Variants in MARCHF2 observed in about 807,000 individuals in gnomAD.
MARCHF2 encodes the protein membrane associated ring-CH-type finger 2.
Under a neutral mutation model 24.0 loss-of-function variants are expected in MARCHF2, and 22 were observed. That is an observed-to-expected ratio of 0.92 (90% CI 0.66 to 1.31). The LOEUF (loss-of-function observed/expected upper bound fraction) is 1.31. Ranked by LOEUF, MARCHF2 falls within the 50% of genes most tolerant of loss-of-function variation. The probability of loss-of-function intolerance (pLI) is 0.00; values close to 1 mark genes in which losing one functional copy is unlikely to be tolerated. For synonymous variants in MARCHF2, 154 were observed against 153.0 expected, an observed-to-expected ratio of 1.01 and a Z score of -0.05; for missense variants, 301 against 335.3, an observed-to-expected ratio of 0.90 and a Z score of 0.80.
At chr19:8,415,397 GAA>G (rs775473801) in intron 1 of MARCHF2, among the ~76,000 whole-genome samples, 7 of 89,106 alleles carry the variant, frequency 7.9e-5, no homozygotes, top group African/African-American at 1.9e-4. Flanking sequence ...TGCCTCAAAA[GAA>G]AAAAAAAAAA....
intron 4 of MARCHF2, among the ~76,000 whole-genome samples, chr19:8,432,645 G>T (rs1312403339): frequency 1.3e-5 from 2 of 151,772 alleles, no homozygotes; most frequent in Non-Finnish European, 2.9e-5. Flanking sequence ...TAAAAAATTA[G>T]CTGGGCATGG....
chr19:8,419,978 G>A (rs12977617), intron 1 of MARCHF2, among the ~76,000 whole-genome samples: 1 of 148,572 alleles, frequency 6.7e-6, no homozygotes, highest in Non-Finnish European at 1.5e-5. Flanking sequence ...CTAACATGGT[G>A]AAACCCCGTC....
chr19:8,428,682 A>AAAAAAAAAAAG (rs1967488225), intron 3 of MARCHF2, among the ~76,000 whole-genome samples: 1 of 134,906 alleles, frequency 7.4e-6, no homozygotes, highest in Non-Finnish European at 1.6e-5. Context: ...AAAAAAAAAA[A>AAAAAAAAAAAG]ACCAAGGCTG....
At position 8,418,249 on chromosome 19, in the gene MARCHF2, G is replaced by A. The variant is rs533143131; in HGVS notation, c.-52-3540G>A. ...GCAGCAGGCACCCTGTGTCAGGCCC[G>A]GCCACTGCCCTGTGGGTGTTATCTC... On this transcript the variant is annotated intron_variant, in intron 1 of 4. Coordinates refer to ENST00000215555, the MANE Select transcript of MARCHF2 (RefSeq NM_001005415.2). Among the ~76,000 whole-genome samples, 206 of 152,232 alleles carry A rather than the reference G, an allele frequency of 1.4e-3. 1 individual carries two copies. The highest frequency in any genetic ancestry group is 4.6e-3 in the African/African-American group (192 of 41,552).
At chr19:8,438,123 G>C (rs1967779836) in intron 4 of MARCHF2, among the ~76,000 whole-genome samples, 1 of 152,122 alleles carries the variant, frequency 6.6e-6, no homozygotes, top group African/African-American at 2.4e-5. Flanking sequence ...CCCACTGAGA[G>C]GCAGGAAAGG....
intron 1 of MARCHF2, among the ~76,000 whole-genome samples, chr19:8,415,520 A>G (rs1201513313): frequency 2.6e-5 from 4 of 151,442 alleles, no homozygotes; most frequent in Non-Finnish European, 4.4e-5. Flanking sequence ...GGAGTTTGAG[A>G]CCATCCTGGC....
chr19:8,438,463 G>A lies in MARCHF2; in HGVS notation c.658G>A (p.Glu220Lys). ...CCAGAAAGTTCGCCTGAAGATCCGG[G>A]AGGCGGACAGCCCCGAGGGCCCCCA... ...TNQKVRLKIR[E>K]ADSPEGPQHS... The change falls in exon 5 of 5, where the codon GAG (glutamate) becomes AAG (lysine). Residue 220 changes from glutamate to lysine, a missense_variant. Coordinates refer to ENST00000215555, the MANE Select transcript of MARCHF2 (RefSeq NM_001005415.2). 6.2e-7 allele frequency: 1 copy of A among 1,614,146 alleles called. No homozygotes were observed. The highest frequency in any genetic ancestry group is 8.5e-7 in the Non-Finnish European group (1 of 1,180,028).
In MARCHF2 at chr19:8,438,725, C is replaced by A; in HGVS notation, c.*179C>A. ...CTGTGATCCTGTGTGAAGATATTTT[C>A]AGGGTTTTTTTTTTTTTTTTTTTGC... On this transcript the variant is annotated 3_prime_UTR_variant, in exon 5 of 5. Coordinates refer to ENST00000215555, the MANE Select transcript of MARCHF2 (RefSeq NM_001005415.2). The A allele has an allele frequency of 5.4e-6, 3 of 555,432 alleles. No individual in the cohort carries two copies. Among genetic ancestry groups the A allele is most frequent in the Non-Finnish European group, 6.1e-6 (2 of 328,648 alleles). The allele number at this position is 555,432 out of a possible 1,614,324, so 34.4% of individuals were successfully genotyped here.
chr19:8,435,421 G>A (rs868701026), intron 4 of MARCHF2, among the ~76,000 whole-genome samples: 4 of 152,102 alleles, frequency 2.6e-5, no homozygotes, highest in South Asian at 4.2e-4. Flanking sequence ...TGCTCCATAC[G>A]CACACAACTT....
At chr19:8,422,784 A>G (rs1323702346) in intron 2 of MARCHF2, among the ~76,000 whole-genome samples, 1 of 140,266 alleles carries the variant, frequency 7.1e-6, no homozygotes, top group Non-Finnish European at 1.5e-5. Flanking sequence ...GGCTCACTGC[A>G]ACCTCCGCCT....
At chr19:8,435,619 A>G (rs961794812) in intron 4 of MARCHF2, among the ~76,000 whole-genome samples, 7 of 151,710 alleles carry the variant, frequency 4.6e-5, no homozygotes, top group African/African-American at 1.7e-4. Flanking sequence ...GCTCACTGCA[A>G]CCTCTACCTC....
chr19:8,415,566 A>G (rs1967054976), intron 1 of MARCHF2, among the ~76,000 whole-genome samples: 1 of 151,296 alleles, frequency 6.6e-6, no homozygotes, highest in Non-Finnish European at 1.5e-5. Flanking sequence ...TAAAAATACA[A>G]ATAATTAGCC....
rs993257105 is a variant in MARCHF2, at chr19:8,430,471, G to T, written c.373-187G>T. ...AATTGCTTAAACCCAGAAGGTCGAG[G>T]TTGCAGTGAGCCGAGATCACACCAT... On this transcript the variant is annotated intron_variant, in intron 3 of 4. Transcript: ENST00000215555. This position sits in a 1 kb window ranked among gnomAD's most constrained non-coding sequence, Gnocchi z 4.4. Among the ~76,000 whole-genome samples, 1 of 151,412 alleles carries T rather than the reference G, an allele frequency of 6.6e-6. No homozygotes were observed. Among genetic ancestry groups the T allele is most frequent in the Admixed American group, 6.6e-5 (1 of 15,182 alleles).
chr19:8,421,785 C>T lies in MARCHF2; in HGVS notation c.-52-4C>T. 1 of 1,521,604 alleles carries T rather than the reference C, an allele frequency of 6.6e-7. No homozygotes were observed. The highest frequency in any genetic ancestry group is 8.9e-7 in the Non-Finnish European group (1 of 1,129,296). 94.3% of individuals were successfully genotyped at this position (1,521,604 alleles called of 1,614,324 possible). On this transcript the variant is annotated splice_polypyrimidine_tract_variant and splice_region_variant and intron_variant, in intron 1 of 4. Coordinates refer to ENST00000215555, the MANE Select transcript of MARCHF2 (RefSeq NM_001005415.2). ...CCCTAACCTCCGCACTGGCCTGTTCCCAGGCTCCTGGAACCATGGGCCTCA... is the reference window on the plus strand; with the variant it reads ...CCCTAACCTCCGCACTGGCCTGTTCTCAGGCTCCTGGAACCATGGGCCTCA...
intron 1 of MARCHF2, among the ~76,000 whole-genome samples, chr19:8,414,072 G>A (rs1282717211): frequency 6.6e-6 from 1 of 152,152 alleles, no homozygotes; most frequent in African/African-American, 2.4e-5. Flanking sequence ...AGGGAGGAAT[G>A]AATGCAATAA....
At chr19:8,424,307 G>A (rs937374869) in intron 2 of MARCHF2, among the ~76,000 whole-genome samples, 2 of 151,988 alleles carry the variant, frequency 1.3e-5, no homozygotes, top group Non-Finnish European at 2.9e-5. Flanking sequence ...GGATGCACAG[G>A]TTTCTCAGGT....
rs144546795 is a variant in MARCHF2 at position 8,429,479 on chromosome 19, C to CTTATTATTATTA, written c.373-1149_373-1138dup. On this transcript the variant is annotated intron_variant, in intron 3 of 4. Transcript: ENST00000215555. ...CAAAAAAATCAAAGAAATGAAAGAA[C>CTTATTATTATTA]TTATTATTATTATTATTATTATTAT... 3.9e-3 allele frequency among the ~76,000 whole-genome samples: 550 copies of CTTATTATTATTA among 142,326 alleles called. 3 individuals are homozygous for CTTATTATTATTA. Among genetic ancestry groups the CTTATTATTATTA allele is most frequent in the East Asian group, 7.0e-3 (33 of 4,728 alleles). The allele number at this position is 142,326 out of a possible 152,430, so 93.4% of individuals were successfully genotyped here. A position where few individuals can be genotyped will look rare whatever the true frequency, so the allele number is the denominator to read the frequency against.
At chr19:8,426,493 T>TAGG in intron 2 of MARCHF2, 116 bp from the exon 3 acceptor site, 1 of 758,780 alleles carries the variant, frequency 1.3e-6, no homozygotes, top group Non-Finnish European at 2.2e-6. Context: ...GAAGGATGAG[T>TAGG]AGGAGTTCAC....
At chr19:8,436,684 T>C (rs1483104360) in intron 4 of MARCHF2, among the ~76,000 whole-genome samples, 12 of 143,540 alleles carry the variant, frequency 8.4e-5, no homozygotes, top group East Asian at 2.0e-4. Context: ...TTTCTTTTTT[T>C]TTTTTTTTTT....
Sources: allele counts gnomAD v4.1 joint callset (sites outside exome capture counted in the v4.1 genomes callset), GRCh38; gene constraint gnomAD v4.1.1; non-coding constraint Gnocchi (gnomAD v3.1); transcripts MANE v1.5; gene names NCBI Gene and HGNC (gene_info 2026-07-23, HGNC 2026-07-21).